GRB10: variants seen among roughly 807,000 people sequenced by gnomAD.
GRB10 encodes growth factor receptor bound protein 10, also known as growth factor receptor-bound protein 10.
A neutral mutation model predicts 80.9 loss-of-function variants in GRB10; 20 were observed. The ratio of observed to expected loss-of-function variants is 0.25; its 90% CI spans 0.17 to 0.36. GRB10 has a LOEUF of 0.36. Ranked by LOEUF, GRB10 falls within the 10% of genes least tolerant of loss-of-function variation. GRB10 has a pLI of 1.00. For missense variants in GRB10, 548 were observed against 747.7 expected (o/e 0.73, Z 3.12); for synonymous variants, 291 against 291.5 (o/e 1.00, Z 0.02).
chr7:50,642,735 A>G (rs932696261), intron 7 of GRB10, among the ~76,000 whole-genome samples: 5 of 152,074 alleles, frequency 3.3e-5, no homozygotes, highest in African/African-American at 1.2e-4. Flanking sequence ...TCAGATAAAG[A>G]ATACTCAATC....
At chr7:50,724,205 A>G (rs1196164199) in intron 4 of GRB10, among the ~76,000 whole-genome samples, 2 of 152,224 alleles carry the variant, frequency 1.3e-5, no homozygotes, top group Non-Finnish European at 2.9e-5. Context: ...GAAAAACCAC[A>G]GGCATGACTG....
intron 4 of GRB10, among the ~76,000 whole-genome samples, chr7:50,720,520 G>C (rs1440969075): frequency 6.6e-6 from 1 of 152,154 alleles, no homozygotes; most frequent in Non-Finnish European, 1.5e-5. Flanking sequence ...AGAGAGCAGA[G>C]GACAGGCACA....
intron 7 of GRB10, among the ~76,000 whole-genome samples, chr7:50,658,476 G>A (rs999480246): frequency 2.0e-5 from 3 of 152,168 alleles, no homozygotes; most frequent in Non-Finnish European, 4.4e-5. Context: ...GATGGCCACC[G>A]ATAACCAATG....
At chr7:50,642,379 C>T (rs1332750497) in intron 7 of GRB10, among the ~76,000 whole-genome samples, 7 of 151,988 alleles carry the variant, frequency 4.6e-5, no homozygotes, top group Non-Finnish European at 7.4e-5. Context: ...CCGTATACAC[C>T]TACATATATG....
At chr7:50,745,846 C>A (rs1246890270) in intron 3 of GRB10, among the ~76,000 whole-genome samples, 1 of 152,218 alleles carries the variant, frequency 6.6e-6, no homozygotes, top group Non-Finnish European at 1.5e-5. Context: ...GTTAATCACT[C>A]TTTCTAAACG....
intron 1 of GRB10, among the ~76,000 whole-genome samples, chr7:50,788,228 C>A (rs1207062357): frequency 1.3e-5 from 2 of 152,198 alleles, no homozygotes; most frequent in South Asian, 4.1e-4. Context: ...CCTAAATACT[C>A]CCAGGGATGA....
At chr7:50,751,817 T>C (rs1376462479) in intron 3 of GRB10, among the ~76,000 whole-genome samples, 1 of 152,206 alleles carries the variant, frequency 6.6e-6, no homozygotes, top group Non-Finnish European at 1.5e-5. Context: ...TTCTCCTTAT[T>C]TGTGGTATAG....
intron 7 of GRB10, among the ~76,000 whole-genome samples, chr7:50,643,075 A>G (rs376946511): frequency 3.3e-5 from 5 of 152,302 alleles, no homozygotes; most frequent in African/African-American, 1.2e-4. Context: ...GGGTCCAGTA[A>G]TAAGCATAGT....
At chr7:50,740,563 C>T (rs967552957) in intron 3 of GRB10, among the ~76,000 whole-genome samples, 12 of 152,052 alleles carry the variant, frequency 7.9e-5, no homozygotes, top group Admixed American at 3.3e-4. Context: ...GCCAGAAGAT[C>T]CTACTCTTTA....
intron 2 of GRB10, among the ~76,000 whole-genome samples, chr7:50,776,775 A>T (rs1329052727): frequency 1.3e-5 from 2 of 152,172 alleles, no homozygotes; most frequent in Non-Finnish European, 2.9e-5. Flanking sequence ...TCATTTCCAT[A>T]TACGACCACA....
chr7:50,760,085 C>G (rs775506543), intron 2 of GRB10, among the ~76,000 whole-genome samples: 1 of 152,196 alleles, frequency 6.6e-6, no homozygotes, highest in African/African-American at 2.4e-5. Flanking sequence ...AGCCAGAGAG[C>G]GTGCTTCCCT....
chr7:50,705,317 A>G, intron 4 of GRB10: 7 of 985,288 alleles, frequency 7.1e-6, no homozygotes, highest in Non-Finnish European at 8.4e-6. Flanking sequence ...ACCTTCCTCC[A>G]GAATATCTGG....
intron 7 of GRB10, among the ~76,000 whole-genome samples, chr7:50,666,549 G>A (rs529022367): frequency 4.6e-5 from 7 of 152,220 alleles, no homozygotes; most frequent in South Asian, 4.1e-4. Flanking sequence ...ACTCAGATCC[G>A]TGAGGGCCCA....
chr7:50,628,754 G>C (rs1356077463), intron 7 of GRB10, among the ~76,000 whole-genome samples: 1 of 152,148 alleles, frequency 6.6e-6, no homozygotes, highest in Admixed American at 6.5e-5. Flanking sequence ...GCTGGGGCTG[G>C]ATCAGGACCC....
chr7:50,751,038 AT>A (rs1190073828), intron 3 of GRB10, among the ~76,000 whole-genome samples: 3 of 152,202 alleles, frequency 2.0e-5, no homozygotes, highest in African/African-American at 7.2e-5. Flanking sequence ...CTCGCCAAGA[AT>A]GAATGAAGGC....
At chr7:50,787,172 G>C (rs1456679651), upstream of GRB10, among the ~76,000 whole-genome samples, 1 of 152,174 alleles carries the variant, frequency 6.6e-6, no homozygotes, top group Non-Finnish European at 1.5e-5. Context: ...GAAGAGACAA[G>C]AGTGAGTGTA....
chr7:50,654,256 C>G (rs1406616925), intron 7 of GRB10, among the ~76,000 whole-genome samples: 1 of 152,214 alleles, frequency 6.6e-6, no homozygotes, highest in East Asian at 1.9e-4. Context: ...AGGGAGGTGG[C>G]TCTGCGAGTG....
chr7:50,737,940 A>G (rs1167400686), intron 3 of GRB10, among the ~76,000 whole-genome samples: 2 of 152,188 alleles, frequency 1.3e-5, no homozygotes, highest in East Asian at 1.9e-4. Context: ...AAGCAACCTC[A>G]TCTAAAAAGG....
exon 1 of GRB10, chr7:50,793,451 C>T (rs1011668248): frequency 1.3e-5 from 2 of 148,192 alleles, no homozygotes; most frequent in African/African-American, 4.9e-5. Context: ...TCTGCCTCCT[C>T]CCGACCTCCC....
Sources: gnomAD v4.1 joint callset for allele counts (sites outside exome capture counted in the v4.1 genomes callset) on GRCh38, gnomAD v4.1.1 for gene constraint, MANE v1.5 for transcripts, NCBI Gene and HGNC (gene_info 2026-07-23, HGNC 2026-07-21) for gene names.